The following MYH16 variants were observed in gnomAD, a reference collection of about 807,000 sequenced individuals.
The protein encoded by MYH16 is putative uncharacterized protein MYH16.
chr7:99,274,287 C>A (rs546630187), intron 20 of MYH16, among the ~76,000 whole-genome samples: 1 of 152,262 alleles, frequency 6.6e-6, no homozygotes, highest in East Asian at 1.9e-4. Flanking sequence ...TGTGCTGGGG[C>A]CACCATTAAG....
intron 21 of MYH16, among the ~76,000 whole-genome samples, 190 bp from the exon 4 acceptor site, chr7:99,279,320 C>T (rs977859398): frequency 6.9e-6 from 1 of 145,314 alleles, no homozygotes; most frequent in African/African-American, 2.6e-5. Flanking sequence ...GATCACACTA[C>T]TGCACTCCAG....
intron 32 of MYH16, 70 bp from the exon 14 acceptor site, chr7:99,293,948 C>G (rs745624748): frequency 2.8e-5 from 11 of 389,450 alleles, no homozygotes; most frequent in Non-Finnish European, 5.6e-5. Flanking sequence ...CACTCTGACC[C>G]TGGCAGTGTG....
intron 38 of MYH16, among the ~76,000 whole-genome samples, chr7:99,302,462 G>C (rs567125610): frequency 6.6e-6 from 1 of 151,862 alleles, no homozygotes; most frequent in South Asian, 2.1e-4. Context: ...TGCTACTTGG[G>C]AGGCTGAGGC....
At chr7:99,255,527 C>T in intron 8 of MYH16, 1 of 152,704 alleles carries the variant, frequency 6.5e-6, no homozygotes, top group East Asian at 1.9e-4. Flanking sequence ...TTAGAGATGG[C>T]AGAGAAGAAA....
intron 33 of MYH16, among the ~76,000 whole-genome samples, chr7:99,296,070 G>A (rs925866590): frequency 1.4e-5 from 2 of 147,562 alleles, no homozygotes; most frequent in Non-Finnish European, 3.0e-5. Context: ...CTTGAACCCA[G>A]GAGACGGAGG....
At chr7:99,291,385 C>T (rs118073704) in exon 31 of MYH16, 6,267 of 456,576 alleles carry the variant, frequency 0.014, 492 homozygotes, top group Admixed American at 0.13. Context: ...TCAAATCCTA[C>T]GGATAAAGAC....
chr7:99,282,941 G>A (rs1431626122), intron 23 of MYH16, among the ~76,000 whole-genome samples: 2 of 152,162 alleles, frequency 1.3e-5, no homozygotes, highest in African/African-American at 4.8e-5. Flanking sequence ...ACTCACATAA[G>A]TGCCCGGGTG....
chr7:99,309,240 G>A (rs552751601), downstream of MYH16, among the ~76,000 whole-genome samples: 220 of 152,266 alleles, frequency 1.4e-3, 1 homozygote, highest in African/African-American at 5.1e-3. Flanking sequence ...ACCGACCTCC[G>A]TGGCTTCTGG....
At chr7:99,294,467 G>GC (rs1278189112) in intron 33 of MYH16, among the ~76,000 whole-genome samples, 2 of 101,760 alleles carry the variant, frequency 2.0e-5, no homozygotes, top group East Asian at 6.8e-4. Context: ...AGGAGTTCAA[G>GC]ACCAGCCTGA....
At chr7:99,253,799 T>G (rs1374390124) in exon 8 of MYH16, 3 of 204,786 alleles carry the variant, frequency 1.5e-5, no homozygotes, top group African/African-American at 7.0e-5. Context: ...TACCAGATTC[T>G]CTCAAACAAG....
At chr7:99,281,896 A>G (rs1402403148) in intron 23 of MYH16, among the ~76,000 whole-genome samples, 1 of 151,782 alleles carries the variant, frequency 6.6e-6, no homozygotes, top group Non-Finnish European at 1.5e-5. Flanking sequence ...CCGTGAATCC[A>G]CATGTCCCCT....
exon 38 of MYH16, chr7:99,301,758 AG>A (rs1792598184): frequency 6.5e-6 from 1 of 152,926 alleles, no homozygotes; most frequent in East Asian, 1.9e-4. Context: ...CTGTTGGAGC[AG>A]GAAGTGGTGG....
chr7:99,268,886 G>A (rs1221327019), intron 18 of MYH16, among the ~76,000 whole-genome samples: 1 of 152,216 alleles, frequency 6.6e-6, no homozygotes, highest in Non-Finnish European at 1.5e-5. Context: ...TCAGTTAGGT[G>A]CTGTACTCCC....
At chr7:99,248,346 C>G (rs538220580) in intron 3 of MYH16, among the ~76,000 whole-genome samples, 1 of 152,308 alleles carries the variant, frequency 6.6e-6, no homozygotes, top group Non-Finnish European at 1.5e-5. Flanking sequence ...AGGTGATCCA[C>G]CCATCTCGGC....
At chr7:99,279,587 C>A in exon 22 of MYH16, 1 of 456,640 alleles carries the variant, frequency 2.2e-6, no homozygotes, top group South Asian at 1.5e-5. Flanking sequence ...AGAGCCAGAT[C>A]TCAGACATGC....
At chr7:99,244,442 C>T (rs944815861) in intron 2 of MYH16, among the ~76,000 whole-genome samples, 25 of 152,274 alleles carry the variant, frequency 1.6e-4, no homozygotes, top group Non-Finnish European at 2.4e-4. Flanking sequence ...TGTCTAAGGA[C>T]GTGTTGGTGT....
chr7:99,300,288 CTTA>C (rs1286194055), intron 37 of MYH16, among the ~76,000 whole-genome samples: 1 of 152,146 alleles, frequency 6.6e-6, no homozygotes, highest in Non-Finnish European at 1.5e-5. Context: ...TCATTTTTTA[CTTA>C]TTATAAACTA....
At chr7:99,249,552 A>AAAAAG (rs1334610558) in intron 4 of MYH16, among the ~76,000 whole-genome samples, 1 of 150,770 alleles carries the variant, frequency 6.6e-6, no homozygotes, top group Admixed American at 6.6e-5. Context: ...AAAAAAAAAA[A>AAAAAG]AAAAGAAAAG....
At chr7:99,285,046 A>C in intron 26 of MYH16, 111 bp downstream of exon 8, 1 of 435,186 alleles carries the variant, frequency 2.3e-6, no homozygotes, top group Non-Finnish European at 4.6e-6. Context: ...CAAGACTGCC[A>C]TAGAGTCCTT....
Sources: gnomAD v4.1 joint callset for allele counts (sites outside exome capture counted in the v4.1 genomes callset) on GRCh38, gnomAD v4.1.1 for gene constraint, MANE v1.5 for transcripts, NCBI Gene and HGNC (gene_info 2026-07-23, HGNC 2026-07-21) for gene names.